The following KHDRBS2 variants were observed in gnomAD, a reference collection of about 807,000 sequenced individuals.
KHDRBS2 encodes the protein KH domain-containing, RNA-binding, signal transduction-associated protein 2.
A neutral mutation model predicts 44.3 loss-of-function variants in KHDRBS2; 26 were observed. That is an observed-to-expected ratio of 0.59 (90% CI 0.43 to 0.81). KHDRBS2 has a LOEUF of 0.81. KHDRBS2 is among the 40% of genes least tolerant of loss of function. The pLI, the probability that KHDRBS2 is intolerant of heterozygous loss-of-function variation, is 0.00. For synonymous variants in KHDRBS2, 194 were observed against 151.1 expected (o/e 1.28, Z -2.08); for missense variants, 476 against 433.1 (o/e 1.10, Z -0.88).
At chr6:61,883,313 C>T (rs371684916) in intron 6 of KHDRBS2, among the ~76,000 whole-genome samples, 87 of 152,104 alleles carry the variant, frequency 5.7e-4, no homozygotes, top group African/African-American at 1.9e-3. Flanking sequence ...ATAAAGATCA[C>T]GGCATTTTTT....
In KHDRBS2 at chr6:61,732,702, G is replaced by A. The variant is rs1774681084; in HGVS notation, c.873C>T (p.Ser291=). The A allele has an allele frequency of 6.2e-7, 1 of 1,608,774 alleles. No homozygotes were observed. Among genetic ancestry groups the A allele is most frequent in the Non-Finnish European group, 8.5e-7 (1 of 1,175,446 alleles). ...CTTACCTTTGTGTTTGGGTCGCATA[G>A]CTGTTATCATAAGTCTCATAGGTCT... is the stretch of plus-strand genomic sequence containing the variant. ...DDQTYETYDN[S]YATQTQSVPE... The change falls in exon 7 of 9, where the codon AGC becomes AGT. Residue 291 remains serine (S), a synonymous_variant. Coordinates refer to ENST00000281156, the MANE Select transcript of KHDRBS2 (RefSeq NM_152688.4).
intron 1 of KHDRBS2, among the ~76,000 whole-genome samples, chr6:62,200,662 T>C (rs1374493665): frequency 6.6e-6 from 1 of 152,196 alleles, no homozygotes; most frequent in East Asian, 1.9e-4. Flanking sequence ...TCAACCATTG[T>C]GGAAGTCAGT....
At chr6:61,715,195 G>C (rs979126662) in intron 7 of KHDRBS2, among the ~76,000 whole-genome samples, 5 of 151,674 alleles carry the variant, frequency 3.3e-5, no homozygotes, top group African/African-American at 9.7e-5. Flanking sequence ...AACAACGAAC[G>C]CATAGAAATG....
intron 6 of KHDRBS2, among the ~76,000 whole-genome samples, chr6:61,746,878 G>A (rs1041446265): frequency 8.8e-4 from 133 of 151,936 alleles, no homozygotes; most frequent in African/African-American, 3.1e-3. Context: ...ACAGACAAAC[G>A]GGATCCAATT....
intron 1 of KHDRBS2, among the ~76,000 whole-genome samples, chr6:62,227,260 A>G (rs1002529081): frequency 9.2e-5 from 14 of 152,004 alleles, no homozygotes; most frequent in African/African-American, 3.4e-4. Flanking sequence ...CTGTATTCCT[A>G]GGTATTCTAT....
downstream of KHDRBS2, among the ~76,000 whole-genome samples, chr6:61,675,574 T>A (rs987877433): frequency 7.9e-5 from 12 of 151,798 alleles, no homozygotes; most frequent in Admixed American, 5.3e-4. Flanking sequence ...ATACATTAAA[T>A]ATTATCTAAA....
chr6:62,240,851 T>C (rs960968428), intron 1 of KHDRBS2, among the ~76,000 whole-genome samples: 11 of 151,332 alleles, frequency 7.3e-5, no homozygotes, highest in Non-Finnish European at 1.5e-4. Flanking sequence ...ATTTTACAAC[T>C]TCAGTATACA....
intron 6 of KHDRBS2, among the ~76,000 whole-genome samples, chr6:61,883,655 A>T (rs2127319789): frequency 6.6e-6 from 1 of 152,214 alleles, no homozygotes; most frequent in African/African-American, 2.4e-5. Flanking sequence ...TAAATGTAAT[A>T]TTTTAACAGT....
chr6:61,991,615 C>A (rs1250528320), intron 3 of KHDRBS2, among the ~76,000 whole-genome samples: 1 of 152,146 alleles, frequency 6.6e-6, no homozygotes, highest in African/African-American at 2.4e-5. Flanking sequence ...GTCGTCACTG[C>A]CAACCAATAA....
intron 6 of KHDRBS2, among the ~76,000 whole-genome samples, chr6:61,804,681 C>T (rs558127006): frequency 5.3e-4 from 81 of 152,310 alleles, no homozygotes; most frequent in Non-Finnish European, 9.4e-4. Context: ...CTGCAGTCCC[C>T]ACACATGTAA....
intron 4 of KHDRBS2, among the ~76,000 whole-genome samples, chr6:61,925,967 A>C (rs1808889968): frequency 6.6e-6 from 1 of 152,130 alleles, no homozygotes; most frequent in Non-Finnish European, 1.5e-5. Flanking sequence ...TGTAGGTAGT[A>C]ATATTATTGA....
At chr6:61,774,533 A>C (rs187041614) in intron 6 of KHDRBS2, among the ~76,000 whole-genome samples, 15 of 152,214 alleles carry the variant, frequency 9.9e-5, no homozygotes, top group African/African-American at 3.4e-4. Flanking sequence ...TCAGGAGTGA[A>C]CTCCCATTTA....
At chr6:62,006,337 T>G (rs757013181) in intron 3 of KHDRBS2, among the ~76,000 whole-genome samples, 5 of 152,050 alleles carry the variant, frequency 3.3e-5, no homozygotes, top group Admixed American at 6.6e-5. Context: ...AAAATGAATC[T>G]TGTAAGACAA....
intron 6 of KHDRBS2, among the ~76,000 whole-genome samples, chr6:61,767,797 G>A (rs534368382): frequency 9.9e-5 from 15 of 151,974 alleles, no homozygotes; most frequent in African/African-American, 3.1e-4. Flanking sequence ...TACTTTTAAA[G>A]TTTTTATTGT....
chr6:61,748,226 T>A (rs55866018), intron 6 of KHDRBS2, among the ~76,000 whole-genome samples: 4,308 of 152,276 alleles, frequency 0.028, 226 homozygotes, highest in African/African-American at 0.099. Context: ...CCTGACCTCA[T>A]GATCCGCCTG....
At chr6:62,162,248 C>T (rs1332289288) in intron 2 of KHDRBS2, among the ~76,000 whole-genome samples, 1 of 152,018 alleles carries the variant, frequency 6.6e-6, no homozygotes, top group African/African-American at 2.4e-5. Flanking sequence ...CCCCCTGAAG[C>T]ATTTCTTGCA....
intron 1 of KHDRBS2, among the ~76,000 whole-genome samples, chr6:62,274,255 C>A (rs1382961121): frequency 6.6e-6 from 1 of 152,156 alleles, no homozygotes; most frequent in Non-Finnish European, 1.5e-5. Flanking sequence ...ACTGTAACTT[C>A]TCTCTCGAAC....
chr6:61,607,482 A>G, the KHDRBS2 span, among the ~76,000 whole-genome samples: 3 of 135,118 alleles, frequency 2.2e-5, no homozygotes, highest in Non-Finnish European at 3.2e-5. Flanking sequence ...AATAAATTAC[A>G]TTAGACTTGA....
intron 4 of KHDRBS2, among the ~76,000 whole-genome samples, chr6:61,913,032 A>G (rs1223315236): frequency 6.6e-6 from 1 of 152,086 alleles, no homozygotes; most frequent in East Asian, 1.9e-4. Flanking sequence ...CATCACAGAC[A>G]TGGGAGAAGA....
Sources: gnomAD v4.1 joint callset for allele counts (sites outside exome capture counted in the v4.1 genomes callset) on GRCh38, gnomAD v4.1.1 for gene constraint, MANE v1.5 for transcripts, NCBI Gene and HGNC (gene_info 2026-07-23, HGNC 2026-07-21) for gene names.